Variants in NUP42 observed in about 807,000 individuals in gnomAD.
NUP42 encodes nucleoporin 42, also known as nucleoporin NUP42.
In NUP42, 47 loss-of-function variants were observed where a neutral mutation model predicts 35.9. That is an observed-to-expected ratio of 1.31 (90% CI 1.04 to 1.67). The LOEUF is 1.67. NUP42 is among the 40% of genes most tolerant of loss of function. The pLI, the probability that NUP42 is intolerant of heterozygous loss-of-function variation, is 0.00. For synonymous variants in NUP42, 173 were observed against 173.3 expected (o/e 1.00, Z 0.01); for missense variants, 514 against 492.2 (o/e 1.04, Z -0.42).
At chr7:23,199,291 C>G (rs1290174782) in intron 5 of NUP42, 167 bp from the exon 6 acceptor site, 8 of 572,370 alleles carry the variant, frequency 1.4e-5, no homozygotes, top group African/African-American at 1.1e-4. Context: ...GGCTCAAGCC[C>G]TTCACCCTCC....
At chr7:23,187,941 TCTCTCTC>T in intron 3 of NUP42, 1 of 444,288 alleles carries the variant, frequency 2.3e-6, no homozygotes. Context: ...TCTCTGTCTC[TCTCTCTC>T]TCTCTGGCCT....
At chr7:23,196,348 G>A (rs1177613891) in intron 4 of NUP42, 2 of 238,176 alleles carry the variant, frequency 8.4e-6, no homozygotes, top group East Asian at 1.1e-4. Context: ...GAAGGAAGCA[G>A]TTTAAATGCT....
At chr7:23,198,710 T>C (rs1248141400) in intron 5 of NUP42, among the ~76,000 whole-genome samples, 1 of 152,222 alleles carries the variant, frequency 6.6e-6, no homozygotes, top group Non-Finnish European at 1.5e-5. Context: ...AAATGTTTAA[T>C]GGATTTTTAG....
Position 23,200,800 on chromosome 7 carries a change from C to G in NUP42, c.*55C>G. 1 of 1,167,440 alleles carries G rather than the reference C, an allele frequency of 8.6e-7. No individual in the cohort carries two copies. Among genetic ancestry groups the G allele is most frequent in the Non-Finnish European group, 1.2e-6 (1 of 831,400 alleles). 72.3% of individuals were successfully genotyped at this position (1,167,440 alleles called of 1,614,324 possible). Reference sequence around the variant, plus strand: ...ATGTTTAAAATTGCTTTGAGTGATTCATACAGAGATGTATATATGCATACA... The same window carrying G: ...ATGTTTAAAATTGCTTTGAGTGATTGATACAGAGATGTATATATGCATACA... On this transcript the variant is annotated 3_prime_UTR_variant, in exon 7 of 7. Coordinates refer to ENST00000258742, the MANE Select transcript of NUP42 (RefSeq NM_007342.3).
chr7:23,184,614 GAA>G (rs1327893670), intron 1 of NUP42, among the ~76,000 whole-genome samples: 13 of 152,162 alleles, frequency 8.5e-5, no homozygotes, highest in Non-Finnish European at 1.6e-4. Context: ...AATAAAAAAT[GAA>G]GAGATTGTCA....
At chr7:23,193,308 T>C (rs1785878323) in intron 3 of NUP42, among the ~76,000 whole-genome samples, 2 of 152,186 alleles carry the variant, frequency 1.3e-5, no homozygotes, top group Admixed American at 1.3e-4. Flanking sequence ...TATTCTCTTA[T>C]CTGGCCCCAC....
chr7:23,199,356 A>G lies in NUP42; in HGVS notation c.610-102A>G, dbSNP rs1786126273. 9.5e-6 allele frequency: 9 copies of G among 947,128 alleles called. No individual in the cohort carries two copies. In the African/African-American group the frequency reaches 1.3e-4, roughly 14 times the overall value. 58.7% of individuals were successfully genotyped at this position (947,128 alleles called of 1,614,324 possible). ...TGTGAGCCACCACACCCAGCCTTTAATGCACATTTTAAAAACTTGAATTTG... is the reference window on the plus strand; with the variant it reads ...TGTGAGCCACCACACCCAGCCTTTAGTGCACATTTTAAAAACTTGAATTTG... On this transcript the variant is annotated intron_variant, in intron 5 of 6. Coordinates refer to ENST00000258742, the MANE Select transcript of NUP42 (RefSeq NM_007342.3).
intron 1 of NUP42, among the ~76,000 whole-genome samples, chr7:23,182,750 A>G (rs1323852620): frequency 6.8e-6 from 1 of 147,912 alleles, no homozygotes; most frequent in African/African-American, 2.5e-5. Flanking sequence ...ACCAAAAAAA[A>G]AAAAAAAAAA....
Position 23,200,643 on chromosome 7 carries a change from A to G in NUP42, c.1170A>G (p.Arg390=). The G allele has an allele frequency of 6.2e-7, 1 of 1,613,930 alleles. No homozygotes were observed. The highest frequency in any genetic ancestry group is 2.2e-5 in the East Asian group (1 of 44,884). ...CAGATAATGTGTTATTCACACCCAG[A>G]GATAAACTAACAGTAGAAGAACTGG... ...IATDNVLFTP[R]DKLTVEELEQ... Residue 390 remains arginine (R), a synonymous_variant, in exon 7 of 7, where the codon AGA becomes AGG. Transcript: ENST00000258742.
chr7:23,188,954 TC>T (rs1182565835), intron 3 of NUP42, among the ~76,000 whole-genome samples: 1 of 152,218 alleles, frequency 6.6e-6, no homozygotes, highest in Non-Finnish European at 1.5e-5. Context: ...CTTAAGAACT[TC>T]CTTTATGAAG....
intron 5 of NUP42, among the ~76,000 whole-genome samples, chr7:23,198,967 T>C (rs998703177): frequency 6.6e-6 from 1 of 152,262 alleles, no homozygotes; most frequent in Non-Finnish European, 1.5e-5. Context: ...TAATCACTGT[T>C]AACTTACTAA....
At chr7:23,196,271 A>G (rs1786008264) in intron 4 of NUP42, 1 of 204,986 alleles carries the variant, frequency 4.9e-6, no homozygotes, top group Non-Finnish European at 9.8e-6. Flanking sequence ...TGTAATACAG[A>G]TTAACATCCT....
chr7:23,188,059 CT>C, intron 3 of NUP42: 1 of 1,446,424 alleles, frequency 6.9e-7, no homozygotes, highest in Non-Finnish European at 9.1e-7. Context: ...GGGCTGAAAC[CT>C]AGACCACCGG....
At position 23,200,819 on chromosome 7, in the gene NUP42, G is replaced by C. The variant is rs1786201991; in HGVS notation, c.*74G>C. 1 of 836,640 alleles carries C rather than the reference G, an allele frequency of 1.2e-6. No homozygotes were observed. Among genetic ancestry groups the C allele is most frequent in the African/African-American group, 1.7e-5 (1 of 58,362 alleles). 51.8% of individuals were successfully genotyped at this position (836,640 alleles called of 1,614,324 possible). A position where few individuals can be genotyped will look rare whatever the true frequency, so the allele number is the denominator to read the frequency against. Reference sequence around the variant, plus strand: ...GTGATTCATACAGAGATGTATATATGCATACATGTATATATTCATAAGGAA... The same window carrying C: ...GTGATTCATACAGAGATGTATATATCCATACATGTATATATTCATAAGGAA... On this transcript the variant is annotated 3_prime_UTR_variant, in exon 7 of 7. Transcript: ENST00000258742.
chr7:23,184,946 CA>C, intron 1 of NUP42, 123 bp from the exon 2 acceptor site: 1 of 750,994 alleles, frequency 1.3e-6, no homozygotes, highest in Non-Finnish European at 2.1e-6. Flanking sequence ...GTTGAGGTTA[CA>C]GTGAGCCAAG....
chr7:23,196,614 T>A, intron 4 of NUP42, 66 bp from the exon 5 acceptor site: 2 of 1,194,592 alleles, frequency 1.7e-6, no homozygotes, highest in South Asian at 2.6e-5. Context: ...TATGTGAAGT[T>A]TTTATTGAAG....
Position 23,200,462 on chromosome 7 carries a change from C to T in NUP42, c.989C>T (p.Ala330Val). ...PASLATGPVR[A>V]PVAPAFGGGS... ...TCCTTGGCAACAGGTCCTGTCAGAG[C>T]TCCAGTGGCCCCAGCCTTTGGAGGT... Residue 330 changes from alanine to valine, a missense_variant, in exon 7 of 7, where the codon GCT becomes GTT. Transcript: ENST00000258742. The T allele has an allele frequency of 1.2e-6, 2 of 1,614,220 alleles. No homozygotes were observed. Among genetic ancestry groups the T allele is most frequent in the Non-Finnish European group, 1.7e-6 (2 of 1,180,038 alleles).
intron 1 of NUP42, 42 bp downstream of exon 1, chr7:23,182,248 G>C (rs749053459): frequency 2.2e-5 from 35 of 1,564,008 alleles, no homozygotes; most frequent in Non-Finnish European, 2.8e-5. Context: ...GAGCCGGGAA[G>C]GGTCCGCCGG....
In NUP42 at chr7:23,198,205, C is replaced by CTTTTTTTTTTTTTT. The variant is rs1172738995; in HGVS notation, c.610-1241_610-1228dup. The CTTTTTTTTTTTTTT allele has an allele frequency of 8.7e-4, 64 of 73,678 alleles. 8 individuals carry two copies. Among genetic ancestry groups the CTTTTTTTTTTTTTT allele is most frequent in the African/African-American group, 3.9e-3 (64 of 16,394 alleles). The allele number at this position is 73,678 out of a possible 1,614,324, so 4.6% of individuals were successfully genotyped here. A position where few individuals can be genotyped will look rare whatever the true frequency, so the allele number is the denominator to read the frequency against. ...TTGCAGTCTCAAAAACAAAAGCATT[C>CTTTTTTTTTTTTTT]TTTTTTTTTTTTTTTTTTTTTTTTT... On this transcript the variant is annotated intron_variant, in intron 5 of 6. Coordinates refer to ENST00000258742, the MANE Select transcript of NUP42 (RefSeq NM_007342.3).
Sources: gnomAD v4.1 joint callset for allele counts (sites outside exome capture counted in the v4.1 genomes callset) on GRCh38, gnomAD v4.1.1 for gene constraint, MANE v1.5 for transcripts, NCBI Gene and HGNC (gene_info 2026-07-23, HGNC 2026-07-21) for gene names.